NLGN1: variants seen among roughly 807,000 people sequenced by gnomAD.
NLGN1 encodes the protein neuroligin-1.
A neutral mutation model predicts 65.5 loss-of-function variants in NLGN1; 12 were observed. The ratio of observed to expected loss-of-function variants is 0.18; its 90% CI spans 0.12 to 0.30. The LOEUF (loss-of-function observed/expected upper bound fraction) is 0.30. NLGN1 is among the 10% of genes least tolerant of loss of function. The probability of loss-of-function intolerance (pLI) is 1.00; values close to 1 mark genes in which losing one functional copy is unlikely to be tolerated. For missense variants in NLGN1, 750 were observed against 1,007.1 expected, an observed-to-expected ratio of 0.74 and a Z score of 3.46; for synonymous variants, 350 against 359.5, an observed-to-expected ratio of 0.97 and a Z score of 0.30.
rs150805431 is a variant in NLGN1 at position 173,650,996 on chromosome 3, G to A, written c.493+45905G>A. 4.0e-5 allele frequency among the ~76,000 whole-genome samples: 6 copies of A among 151,762 alleles called. No individual in the cohort carries two copies. In the East Asian group the frequency reaches 1.2e-3, roughly 29 times the overall value. On this transcript the variant is annotated intron_variant, in intron 3 of 6. Transcript: ENST00000457714. ...TTTTGATACATGGATAAATTGTGTA[G>A]TGTTGAAGTCTGGGCTTTTAATGTA...
chr3:173,900,055 GCTT>G (rs1238351418), intron 4 of NLGN1, among the ~76,000 whole-genome samples: 2 of 152,060 alleles, frequency 1.3e-5, no homozygotes, highest in African/African-American at 4.8e-5. Flanking sequence ...TGAATCTTCT[GCTT>G]CTCCTCACCA....
chr3:173,679,663 C>A (rs1319192281), intron 3 of NLGN1, among the ~76,000 whole-genome samples: 1 of 152,032 alleles, frequency 6.6e-6, no homozygotes, highest in African/African-American at 2.4e-5. Flanking sequence ...GAGGGTGTTA[C>A]AGCAAAATAA....
chr3:173,574,124 A>G (rs1005736916), intron 2 of NLGN1, among the ~76,000 whole-genome samples: 3 of 151,600 alleles, frequency 2.0e-5, no homozygotes, highest in Non-Finnish European at 2.9e-5. Context: ...ATATCATGAA[A>G]GTTCATTTAA....
chr3:173,507,650 G>GTACA (rs1048676049), intron 2 of NLGN1, among the ~76,000 whole-genome samples: 1 of 151,640 alleles, frequency 6.6e-6, no homozygotes, highest in African/African-American at 2.4e-5. Flanking sequence ...TCAAAATGCA[G>GTACA]TACATCTTTC....
At chr3:174,024,300 A>C (rs13084494) in intron 4 of NLGN1, among the ~76,000 whole-genome samples, 39,522 of 151,974 alleles carry the variant, frequency 0.26, 6,026 homozygotes, top group African/African-American at 0.42. Flanking sequence ...GGAGATGATG[A>C]TTGTCAAGAA....
Position 173,935,812 on chromosome 3 carries a change from A to C in NLGN1, c.646+127980A>C, listed in dbSNP as rs112026909. The stretch of plus-strand genomic sequence containing the variant: ...GTTAGTGAAAGAAACAATGTTTAGC[A>C]ACCAAGGATTAAAAATTACTAGAAT... On this transcript the variant is annotated intron_variant, in intron 4 of 6. Coordinates refer to ENST00000457714, the Ensembl canonical transcript of NLGN1. Among the ~76,000 whole-genome samples the C allele has an allele frequency of 6.6e-3, 1,006 of 152,118 alleles. 6 individuals carry two copies. The highest frequency in any genetic ancestry group is 0.01 in the Non-Finnish European group (683 of 67,888).
intron 3 of NLGN1, among the ~76,000 whole-genome samples, chr3:173,748,034 A>G (rs2150141324): frequency 6.6e-6 from 1 of 151,456 alleles, no homozygotes; most frequent in South Asian, 2.1e-4. Context: ...TCCTGACCTT[A>G]AGTGATCTGC....
intron 4 of NLGN1, among the ~76,000 whole-genome samples, chr3:173,853,790 A>T (rs927536647): frequency 3.9e-5 from 6 of 152,076 alleles, no homozygotes; most frequent in African/African-American, 1.4e-4. Flanking sequence ...GAATATCATG[A>T]TTTAAATACC....
At chr3:173,979,075 T>C (rs1194939204) in intron 4 of NLGN1, among the ~76,000 whole-genome samples, 1 of 152,020 alleles carries the variant, frequency 6.6e-6, no homozygotes, top group South Asian at 2.1e-4. Flanking sequence ...ATTGGTGATC[T>C]TGTCTGGAGC....
intron 1 of NLGN1, among the ~76,000 whole-genome samples, chr3:173,401,885 T>C (rs1717766434): frequency 6.6e-6 from 1 of 152,194 alleles, no homozygotes; most frequent in South Asian, 2.1e-4. Context: ...AGGATAATAC[T>C]GTGATATTTT....
rs1236114047 is a variant in NLGN1, at chr3:173,420,996, CT to C, written c.-389-14013del. On this transcript the variant is annotated intron_variant, in intron 1 of 6. Coordinates refer to ENST00000457714, the Ensembl canonical transcript of NLGN1. ...TAGTACAAGCCCTGTGCATTAATTA[CT>C]CTTCTTTTTTCAGATATTTTCTTAC... 5.3e-5 allele frequency among the ~76,000 whole-genome samples: 8 copies of C among 152,038 alleles called. No homozygotes were observed. The East Asian group carries it at 1.3e-3, about 26-fold the overall frequency.
intron 2 of NLGN1, among the ~76,000 whole-genome samples, chr3:173,461,934 T>C (rs1217214567): frequency 6.6e-6 from 1 of 152,130 alleles, no homozygotes; most frequent in Non-Finnish European, 1.5e-5. Context: ...TTTCGTGACA[T>C]AGCCATGAAA....
intron 4 of NLGN1, among the ~76,000 whole-genome samples, chr3:173,808,526 A>G (rs1288567915): frequency 6.6e-6 from 1 of 152,132 alleles, no homozygotes; most frequent in Non-Finnish European, 1.5e-5. Flanking sequence ...TTATACAATA[A>G]CCAGTTTTTA....
intron 3 of NLGN1, among the ~76,000 whole-genome samples, chr3:173,651,172 G>A (rs1301034604): frequency 1.3e-5 from 2 of 151,648 alleles, no homozygotes; most frequent in Non-Finnish European, 1.5e-5. Flanking sequence ...TTTCTAGGTG[G>A]GAATGGGTAG....
intron 4 of NLGN1, among the ~76,000 whole-genome samples, chr3:173,996,250 C>T (rs1026244093): frequency 3.3e-5 from 5 of 152,076 alleles, no homozygotes; most frequent in African/African-American, 7.2e-5. Flanking sequence ...TTTAAAATTA[C>T]GTCTATTTTA....
chr3:173,628,148 C>T (rs1755098849), intron 3 of NLGN1, among the ~76,000 whole-genome samples: 1 of 152,148 alleles, frequency 6.6e-6, no homozygotes, highest in Non-Finnish European at 1.5e-5. Context: ...CCTGTGGTTA[C>T]CCTTAAGGGC....
chr3:173,892,834 A>G (rs1350843670), intron 4 of NLGN1, among the ~76,000 whole-genome samples: 1 of 152,212 alleles, frequency 6.6e-6, no homozygotes, highest in Non-Finnish European at 1.5e-5. Flanking sequence ...ATAACCCCAC[A>G]GTTAGGTTTT....
At chr3:173,458,207 A>G (rs974909270) in intron 2 of NLGN1, among the ~76,000 whole-genome samples, 1 of 151,984 alleles carries the variant, frequency 6.6e-6, no homozygotes, top group African/African-American at 2.4e-5. Context: ...GAGAGGAGGG[A>G]AATCACTGCT....
intron 3 of NLGN1, among the ~76,000 whole-genome samples, chr3:173,693,696 G>A (rs1765789592): frequency 6.6e-6 from 1 of 151,888 alleles, no homozygotes; most frequent in Non-Finnish European, 1.5e-5. Flanking sequence ...TGGGAGAATG[G>A]TGCAGAAAAT....
Sources: allele counts gnomAD v4.1 joint callset (sites outside exome capture counted in the v4.1 genomes callset), GRCh38; gene constraint gnomAD v4.1.1; transcripts MANE v1.5; gene names NCBI Gene and HGNC (gene_info 2026-07-23, HGNC 2026-07-21).